Variants in SND1 observed in about 807,000 individuals in gnomAD.
SND1 encodes staphylococcal nuclease domain-containing protein 1.
A neutral mutation model predicts 121.7 loss-of-function variants in SND1; 38 were observed. The observed-to-expected ratio is 0.31, with a 90% CI of 0.24 to 0.41. The LOEUF (loss-of-function observed/expected upper bound fraction) is 0.41, where lower values mean the gene tolerates loss of function less well. SND1 is among the 10% of genes least tolerant of loss of function. The pLI is 1.00. For missense variants in SND1, 868 were observed against 1,184.6 expected, an observed-to-expected ratio of 0.73 and a Z score of 3.92; for synonymous variants, 401 against 447.4, an observed-to-expected ratio of 0.90 and a Z score of 1.31.
chr7:128,032,609 G>A (rs1414429693), intron 16 of SND1, among the ~76,000 whole-genome samples: 3 of 151,962 alleles, frequency 2.0e-5, no homozygotes, highest in Non-Finnish European at 4.4e-5. Flanking sequence ...CCGCGGCGGG[G>A]CTGCTGCATT....
intron 16 of SND1, chr7:128,027,925 T>C (rs781110176): frequency 6.6e-6 from 1 of 152,448 alleles, no homozygotes; most frequent in Non-Finnish European, 1.5e-5. Context: ...GTGAAAGCAT[T>C]AGACTGAGAG....
At chr7:127,931,126 C>A (rs1800949228) in intron 15 of SND1, among the ~76,000 whole-genome samples, 1 of 151,832 alleles carries the variant, frequency 6.6e-6, no homozygotes, top group African/African-American at 2.4e-5. Context: ...GATAAGAAAA[C>A]CAAACAAAGC....
chr7:128,009,882 A>C (rs1287094492), intron 16 of SND1, among the ~76,000 whole-genome samples: 2 of 152,078 alleles, frequency 1.3e-5, no homozygotes, highest in Admixed American at 1.3e-4. Context: ...TCAATGCCGG[A>C]TCAAGTCAGA....
intron 9 of SND1, among the ~76,000 whole-genome samples, chr7:127,719,921 T>C (rs1796462424): frequency 6.6e-6 from 1 of 152,236 alleles, no homozygotes; most frequent in African/African-American, 2.4e-5. Flanking sequence ...CTGTTACATA[T>C]AATTTCTCAC....
intron 14 of SND1, among the ~76,000 whole-genome samples, chr7:127,924,365 G>T (rs996451088): frequency 2.0e-5 from 3 of 152,162 alleles, no homozygotes; most frequent in Admixed American, 2.0e-4. Context: ...TTCCATTTGA[G>T]TCTTGCATAT....
intron 16 of SND1, among the ~76,000 whole-genome samples, chr7:128,070,770 T>G (rs1307673701): frequency 1.3e-5 from 2 of 152,188 alleles, no homozygotes; most frequent in Admixed American, 1.3e-4. Flanking sequence ...TCTATGTGTC[T>G]ATACAGTATA....
Position 127,707,645 on chromosome 7 carries a change from A to C in SND1, c.1036A>C (p.Lys346Gln). 2 of 1,613,520 alleles carry C rather than the reference A, an allele frequency of 1.2e-6. No homozygotes were observed. The highest frequency in any genetic ancestry group is 1.7e-6 in the Non-Finnish European group (2 of 1,179,444). ...CCAAAAGGACAAGCAGTTTGTTGCC[A>C]AGGTGAGTCATTCTCAGCATCTTGA... ...LDQKDKQFVAKVMQVLNADAI... is the reference protein window; with the variant it reads ...LDQKDKQFVAQVMQVLNADAI... Residue 346 changes from lysine to glutamine, a missense_variant and splice_region_variant, in exon 9 of 24, where the codon AAG (lysine) becomes CAG (glutamine). Lys to Gln is a moderately conservative substitution (Grantham distance 53). Coordinates refer to ENST00000354725, the MANE Select transcript of SND1 (RefSeq NM_014390.4).
At chr7:128,010,744 G>A (rs1318270877) in intron 16 of SND1, among the ~76,000 whole-genome samples, 1 of 152,252 alleles carries the variant, frequency 6.6e-6, no homozygotes, top group Non-Finnish European at 1.5e-5. Context: ...CATAAAGCAA[G>A]AGGGGTTTTG....
chr7:127,726,006 T>C (rs1453210334), intron 10 of SND1, among the ~76,000 whole-genome samples: 1 of 152,206 alleles, frequency 6.6e-6, no homozygotes, highest in African/African-American at 2.4e-5. Flanking sequence ...TGTTTTTTTC[T>C]GTTTTGTACA....
At chr7:127,887,664 A>G (rs1378893707) in intron 12 of SND1, among the ~76,000 whole-genome samples, 2 of 150,448 alleles carry the variant, frequency 1.3e-5, no homozygotes, top group Non-Finnish European at 1.5e-5. Flanking sequence ...CTAGTTTTTA[A>G]TATTTGGATT....
intron 10 of SND1, among the ~76,000 whole-genome samples, chr7:127,738,138 A>G (rs962309043): frequency 1.3e-5 from 2 of 152,030 alleles, no homozygotes; most frequent in African/African-American, 4.8e-5. Flanking sequence ...ATCTTCTCTA[A>G]TTATTTTTCA....
intron 16 of SND1, among the ~76,000 whole-genome samples, chr7:128,060,262 A>C (rs1793209061): frequency 6.6e-6 from 1 of 152,156 alleles, no homozygotes; most frequent in Non-Finnish European, 1.5e-5. Context: ...GCCATGATGC[A>C]GGATCATGAT....
At chr7:127,852,783 C>G (rs1249185369) in intron 12 of SND1, among the ~76,000 whole-genome samples, 1 of 151,702 alleles carries the variant, frequency 6.6e-6, no homozygotes, top group Non-Finnish European at 1.5e-5. Flanking sequence ...TGCACTCTAG[C>G]CTGGGTGACA....
chr7:127,711,170 A>G (rs1051864610), intron 9 of SND1, among the ~76,000 whole-genome samples: 1 of 152,014 alleles, frequency 6.6e-6, no homozygotes, highest in African/African-American at 2.4e-5. Flanking sequence ...TTTCTTCACC[A>G]TTGTCCTGAG....
chr7:127,873,203 G>T (rs1201202211), intron 12 of SND1, among the ~76,000 whole-genome samples: 1 of 152,150 alleles, frequency 6.6e-6, no homozygotes, highest in Non-Finnish European at 1.5e-5. Flanking sequence ...GACTGAAACT[G>T]TTGGGTTTCA....
intron 1 of SND1, among the ~76,000 whole-genome samples, chr7:127,683,797 T>C (rs1169522980): frequency 1.3e-5 from 2 of 152,244 alleles, no homozygotes; most frequent in East Asian, 3.8e-4. Context: ...TGAATTCATA[T>C]ATTCAATGGT....
At chr7:127,770,502 A>C (rs941662043) in intron 10 of SND1, among the ~76,000 whole-genome samples, 4 of 152,328 alleles carry the variant, frequency 2.6e-5, no homozygotes, top group Admixed American at 6.5e-5. Context: ...GACAAAGTCA[A>C]AGCCCTATGA....
At chr7:127,694,450 T>C (rs546215682) in intron 2 of SND1, among the ~76,000 whole-genome samples, 6 of 152,328 alleles carry the variant, frequency 3.9e-5, no homozygotes, top group African/African-American at 1.2e-4. Context: ...TGGGTTGATA[T>C]ATATACAGCA....
chr7:127,992,543 T>TAAAA (rs1802545217), intron 16 of SND1, among the ~76,000 whole-genome samples: 1 of 152,238 alleles, frequency 6.6e-6, no homozygotes, highest in Admixed American at 6.5e-5. Flanking sequence ...AACAGACTTT[T>TAAAA]GTTTGTTGTG....
Sources: allele counts gnomAD v4.1 joint callset (sites outside exome capture counted in the v4.1 genomes callset), GRCh38; gene constraint gnomAD v4.1.1; transcripts MANE v1.5; gene names NCBI Gene and HGNC (gene_info 2026-07-23, HGNC 2026-07-21).